The following NECAB2 variants were observed in gnomAD, a reference collection of about 807,000 sequenced individuals.
NECAB2 encodes N-terminal EF-hand calcium binding protein 2, also known as N-terminal EF-hand calcium-binding protein 2.
Under a neutral mutation model 51.9 loss-of-function variants are expected in NECAB2, and 68 were observed. The ratio of observed to expected loss-of-function variants is 1.31; its 90% CI spans 1.08 to 1.60. NECAB2 has a LOEUF of 1.60. Ranked by LOEUF, NECAB2 falls within the 40% of genes most tolerant of loss-of-function variation. The probability of loss-of-function intolerance (pLI) is 0.00; values close to 1 mark genes in which losing one functional copy is unlikely to be tolerated. For synonymous variants in NECAB2, 329 were observed against 203.5 expected, an observed-to-expected ratio of 1.62 and a Z score of -5.25; for missense variants, 854 against 490.3, an observed-to-expected ratio of 1.74 and a Z score of -7.00.
intron 10 of NECAB2, among the ~76,000 whole-genome samples, chr16:83,998,697 C>T (rs1267994502): frequency 2.0e-5 from 3 of 152,224 alleles, no homozygotes; most frequent in African/African-American, 7.2e-5. Flanking sequence ...GGTTCCTGCA[C>T]ACTTAAGTCC....
chr16:83,999,142 G>A (rs1228041778), intron 10 of NECAB2, among the ~76,000 whole-genome samples: 4 of 152,192 alleles, frequency 2.6e-5, no homozygotes, highest in Non-Finnish European at 5.9e-5. Context: ...GGCCCCCTGT[G>A]CACTGAGGCT....
intron 5 of NECAB2, among the ~76,000 whole-genome samples, chr16:83,982,971 T>G (rs1029135290): frequency 6.6e-6 from 1 of 151,636 alleles, no homozygotes; most frequent in Non-Finnish European, 1.5e-5. Context: ...TGGGTTTGAG[T>G]GATTCTCCTG....
upstream of NECAB2, chr16:83,966,000 C>T (rs771617641): frequency 4.7e-5 from 73 of 1,564,260 alleles, no homozygotes; most frequent in Non-Finnish European, 5.6e-5. Context: ...ACCAGGAAGC[C>T]ACCCTAACAC....
intron 10 of NECAB2, among the ~76,000 whole-genome samples, chr16:83,998,655 G>A (rs76175249): frequency 0.026 from 3,946 of 152,300 alleles, 99 homozygotes; most frequent in East Asian, 0.1. Context: ...TGCCCCGTGC[G>A]CTCAGTCAGC....
At chr16:83,997,364 C>G (rs1025089611) in intron 9 of NECAB2, 95 bp downstream of exon 9, 2 of 1,506,902 alleles carry the variant, frequency 1.3e-6, no homozygotes, top group South Asian at 2.3e-5. Context: ...ACCCCGCTCT[C>G]CCTGCTTGGG....
chr16:83,981,151 G>C (rs540968070), intron 5 of NECAB2, 24 bp downstream of exon 5: 3 of 1,575,116 alleles, frequency 1.9e-6, no homozygotes, highest in African/African-American at 1.7e-5. Context: ...GGTGGCCCCC[G>C]GGGTCCAGGG....
At chr16:83,978,610 C>G (rs75171810) in intron 3 of NECAB2, 58 bp downstream of exon 3, 23,482 of 1,406,874 alleles carry the variant, frequency 0.017, 252 homozygotes, top group African/African-American at 0.03. Context: ...GTGGAGGCAT[C>G]TTTTCATCTA....
chr16:83,965,576 C>G, upstream of NECAB2: 1 of 1,612,980 alleles, frequency 6.2e-7, no homozygotes. Flanking sequence ...GATGCTGTAC[C>G]CCGAGTACCA....
chr16:84,002,048 C>G lies in NECAB2; in HGVS notation c.1132+132C>G. On this transcript the variant is annotated intron_variant, in intron 12 of 12. Coordinates refer to ENST00000305202, the MANE Select transcript of NECAB2 (RefSeq NM_019065.3). The stretch of plus-strand genomic sequence containing the variant: ...CCACTGTCAGCTCCTGCCACCAATG[C>G]CAGGCTCAGAGCCAGCCCTGAGGTG... The G allele has an allele frequency of 2.6e-6, 3 of 1,142,590 alleles. No homozygotes were observed. The South Asian group carries it at 4.1e-5, about 16-fold the overall frequency. The allele number at this position is 1,142,590 out of a possible 1,614,324, so 70.8% of individuals were successfully genotyped here.
At chr16:83,988,028 T>C (rs749203978) in intron 5 of NECAB2, among the ~76,000 whole-genome samples, 1 of 152,258 alleles carries the variant, frequency 6.6e-6, no homozygotes, top group Non-Finnish European at 1.5e-5. Flanking sequence ...TCTAACTTGA[T>C]AGTGATATTG....
At chr16:83,965,992 C>T (rs1171161784), upstream of NECAB2, 2 of 1,579,426 alleles carry the variant, frequency 1.3e-6, no homozygotes, top group Non-Finnish European at 8.6e-7. Flanking sequence ...GGAAGGAGAC[C>T]AGGAAGCCAC....
intron 3 of NECAB2, among the ~76,000 whole-genome samples, chr16:83,980,511 A>G (rs969488252): frequency 6.6e-6 from 1 of 152,082 alleles, no homozygotes. Flanking sequence ...ACAGCCCGTC[A>G]CAGTAATGGG....
chr16:83,965,200 C>A (rs755303263), upstream of NECAB2: 1 of 1,613,112 alleles, frequency 6.2e-7, no homozygotes, highest in African/African-American at 1.3e-5. Flanking sequence ...CCGATCCCAG[C>A]AGCTGTGGGG....
chr16:83,997,444 C>G (rs995490349), intron 9 of NECAB2, among the ~76,000 whole-genome samples, 175 bp downstream of exon 9: 2 of 150,504 alleles, frequency 1.3e-5, no homozygotes, highest in Non-Finnish European at 3.0e-5. Context: ...AGCCACCCCA[C>G]CAACTCCGGG....
At chr16:83,965,826 A>G (rs200711488), upstream of NECAB2, 1,792 of 1,612,900 alleles carry the variant, frequency 1.1e-3, 2 homozygotes, top group Non-Finnish European at 1.4e-3. Flanking sequence ...GATCCTGACC[A>G]GCCGCTGAGC....
chr16:83,990,734 A>T lies in NECAB2; in HGVS notation c.596+104A>T, dbSNP rs1306608992. The T allele has an allele frequency of 2.7e-6, 4 of 1,472,512 alleles. No homozygotes were observed. The African/African-American group carries it at 4.2e-5, about 15-fold the overall frequency. The allele number at this position is 1,472,512 out of a possible 1,614,324, so 91.2% of individuals were successfully genotyped here. ...TGTCTGTGTACCTAAGAGCTGGGTGACCTTGGGCAAGTTGCCACAGCTCTT... is the reference window on the plus strand; with the variant it reads ...TGTCTGTGTACCTAAGAGCTGGGTGTCCTTGGGCAAGTTGCCACAGCTCTT... On this transcript the variant is annotated intron_variant, in intron 6 of 12. Transcript: ENST00000305202.
chr16:83,991,401 C>T (rs944559526), intron 6 of NECAB2, among the ~76,000 whole-genome samples: 1 of 124,144 alleles, frequency 8.1e-6, no homozygotes, highest in Non-Finnish European at 1.6e-5. Flanking sequence ...GAGTCTTGCT[C>T]TGTCACCCAG....
chr16:83,994,384 C>G lies in NECAB2; in HGVS notation c.679C>G (p.Leu227Val), dbSNP rs202204656. The change falls in exon 7 of 13, where the codon CTC (leucine) becomes GTC (valine). Residue 227 changes from leucine (L) to valine (V), a missense_variant. Physicochemically the swap from Leu to Val is conservative, Grantham distance 32. Coordinates refer to ENST00000305202, the MANE Select transcript of NECAB2 (RefSeq NM_019065.3). ...TCCCGCCTCTGCCCCCAACCACAAG[C>G]TCATGGCTATGGAACAAGGCAAGAC... ...PTPASAPNHK[L>V]MAMEQGKTLP... The G allele has an allele frequency of 4.3e-6, 7 of 1,614,088 alleles. No individual in the cohort carries two copies. The highest frequency in any genetic ancestry group is 3.3e-5 in the Admixed American group (2 of 60,000).
chr16:84,002,246 AGAC>A (rs983161226), intron 12 of NECAB2, 69 bp from the exon 13 acceptor site: 2 of 1,563,992 alleles, frequency 1.3e-6, no homozygotes, highest in Non-Finnish European at 8.8e-7. Flanking sequence ...CTGTCATTCA[AGAC>A]GACCACCACC....
Sources: allele counts gnomAD v4.1 joint callset (sites outside exome capture counted in the v4.1 genomes callset), GRCh38; gene constraint gnomAD v4.1.1; transcripts MANE v1.5; gene names NCBI Gene and HGNC (gene_info 2026-07-23, HGNC 2026-07-21).